Variants in ELAVL2 observed in about 807,000 individuals in gnomAD.
ELAVL2 encodes the protein ELAV-like protein 2.
Under a neutral mutation model 34.6 loss-of-function variants are expected in ELAVL2, and 4 were observed. The observed-to-expected ratio is 0.12, with a 90% CI of 0.06 to 0.26. ELAVL2 has a LOEUF of 0.26. ELAVL2 is among the 10% of genes least tolerant of loss of function. The pLI is 1.00. For synonymous variants in ELAVL2, 193 were observed against 154.8 expected, an observed-to-expected ratio of 1.25 and a Z score of -1.83; for missense variants, 432 against 442.8, an observed-to-expected ratio of 0.98 and a Z score of 0.22.
At chr9:23,762,528 A>G (rs562946522) in intron 1 of ELAVL2, among the ~76,000 whole-genome samples, 2 of 152,230 alleles carry the variant, frequency 1.3e-5, no homozygotes, top group Admixed American at 6.6e-5. Context: ...GTCTATTCAC[A>G]TATCCTTACT....
chr9:23,691,577 A>G lies in ELAVL2; in HGVS notation c.*980T>C, dbSNP rs1587111324. The G allele has an allele frequency of 1.3e-5, 2 of 152,274 alleles. No individual in the cohort carries two copies. The highest frequency in any genetic ancestry group is 2.9e-5 in the Non-Finnish European group (2 of 67,904). 9.4% of individuals were successfully genotyped at this position (152,274 alleles called of 1,614,324 possible). A position where few individuals can be genotyped will look rare whatever the true frequency, so the allele number is the denominator to read the frequency against. The stretch of plus-strand genomic sequence containing the variant: ...CCTGCTCTTATATATTCTTTTGTAA[A>G]TTTTTTTTATTTGTTTCAAAATCAC... On this transcript the variant is annotated 3_prime_UTR_variant, in exon 7 of 7. Coordinates refer to ENST00000397312, the MANE Select transcript of ELAVL2 (RefSeq NM_004432.5).
At chr9:23,740,779 A>T in intron 2 of ELAVL2, among the ~76,000 whole-genome samples, 1 of 152,230 alleles carries the variant, frequency 6.6e-6, no homozygotes, top group Non-Finnish European at 1.5e-5. Flanking sequence ...GATCCATTTA[A>T]AATGGGCCTT....
chr9:23,788,469 T>C (rs2059958602), intron 1 of ELAVL2, among the ~76,000 whole-genome samples: 1 of 152,196 alleles, frequency 6.6e-6, no homozygotes, highest in Admixed American at 6.5e-5. Flanking sequence ...TACCATGTTT[T>C]TTCCTACACA....
At chr9:23,794,514 T>C (rs966713388) in intron 1 of ELAVL2, among the ~76,000 whole-genome samples, 1 of 152,238 alleles carries the variant, frequency 6.6e-6, no homozygotes, top group Non-Finnish European at 1.5e-5. Flanking sequence ...TAATCCATAC[T>C]GGATAGACAG....
At chr9:23,814,369 C>T (rs1446347931) in intron 1 of ELAVL2, among the ~76,000 whole-genome samples, 2 of 152,064 alleles carry the variant, frequency 1.3e-5, no homozygotes, top group Admixed American at 1.3e-4. Context: ...ATTACCAGGA[C>T]CTGGAACTAA....
intron 1 of ELAVL2, among the ~76,000 whole-genome samples, chr9:23,786,812 G>GAC (rs2059750546): frequency 1.4e-5 from 2 of 142,854 alleles, no homozygotes; most frequent in Admixed American, 7.1e-5. Context: ...AAGAGAGAGA[G>GAC]AGAAAGGAAA....
In ELAVL2 at chr9:23,722,258, C is replaced by T. The variant is rs1322036576; in HGVS notation, c.333+8764G>A. ...TCTGTAACCTTTAAACTAGCATCTA[C>T]GACTTACATGAACCTACCAGAAAAA... On this transcript the variant is annotated intron_variant, in intron 3 of 6. Transcript: ENST00000397312. Among the ~76,000 whole-genome samples, 8 of 152,178 alleles carry T rather than the reference C, an allele frequency of 5.3e-5. No homozygotes were observed. In the South Asian group the frequency reaches 6.2e-4, roughly 12 times the overall value.
chr9:23,812,123 T>A (rs1448216988), intron 1 of ELAVL2, among the ~76,000 whole-genome samples: 1 of 151,342 alleles, frequency 6.6e-6, no homozygotes, highest in East Asian at 1.9e-4. Flanking sequence ...GAGTGTGTGA[T>A]TTTTTTTTAA....
At chr9:23,757,856 C>T (rs942138798) in intron 2 of ELAVL2, among the ~76,000 whole-genome samples, 2 of 152,074 alleles carry the variant, frequency 1.3e-5, no homozygotes, top group African/African-American at 4.8e-5. Flanking sequence ...AAAATAGTGA[C>T]ATTAATTTGC....
Position 23,692,273 on chromosome 9 carries a change from A to T in ELAVL2, c.*284T>A. On this transcript the variant is annotated 3_prime_UTR_variant, in exon 7 of 7. Transcript: ENST00000397312. Reference sequence around the variant, plus strand: ...GAAAAGAAATGTCTTCCCTTAGCTGAAACACTTTAAAAGGTCCACCTTCTT... The same window carrying T: ...GAAAAGAAATGTCTTCCCTTAGCTGTAACACTTTAAAAGGTCCACCTTCTT... The T allele has an allele frequency of 3.4e-6, 1 of 294,210 alleles. No homozygotes were observed. The highest frequency in any genetic ancestry group is 6.3e-6 in the Non-Finnish European group (1 of 157,978). 18.2% of individuals were successfully genotyped at this position (294,210 alleles called of 1,614,324 possible).
intron 1 of ELAVL2, among the ~76,000 whole-genome samples, chr9:23,809,233 C>T (rs2062652448): frequency 6.6e-6 from 1 of 152,112 alleles, no homozygotes; most frequent in South Asian, 2.1e-4. Context: ...ATCTGATGAC[C>T]TTATTTTCTC....
In ELAVL2 at chr9:23,783,865, A is replaced by G. The variant is rs545753521; in HGVS notation, c.-15-21616T>C. Among the ~76,000 whole-genome samples, 4 of 152,234 alleles carry G rather than the reference A, an allele frequency of 2.6e-5. No homozygotes were observed. The South Asian group carries it at 8.3e-4, about 32-fold the overall frequency. On this transcript the variant is annotated intron_variant, in intron 1 of 6. Transcript: ENST00000397312. ...CTCTCTGTTGTCATAGGTTCAAATA[A>G]AGGGCAAAGTACACATAGTTGCAAT...
Position 23,789,268 on chromosome 9 carries a change from G to A in ELAVL2, c.-15-27019C>T, listed in dbSNP as rs183110376. 3.3e-5 allele frequency among the ~76,000 whole-genome samples: 5 copies of A among 152,214 alleles called. No homozygotes were observed. The East Asian group carries it at 5.8e-4, about 18-fold the overall frequency. ...CTAGGCCAGTGCCCAGACACTAGAC[G>A]CAGCCACAAGAAATGCAAGTTTTCC... is the stretch of plus-strand genomic sequence containing the variant. On this transcript the variant is annotated intron_variant, in intron 1 of 6. Transcript: ENST00000397312.
chr9:23,776,739 C>CAAAAAA (rs34583759), intron 1 of ELAVL2, among the ~76,000 whole-genome samples: 1 of 77,706 alleles, frequency 1.3e-5, no homozygotes, highest in African/African-American at 4.4e-5. Flanking sequence ...AGTTTGCTAT[C>CAAAAAA]AAAAAAAAAA....
At chr9:23,770,227 G>A (rs759181503) in intron 1 of ELAVL2, among the ~76,000 whole-genome samples, 1 of 152,118 alleles carries the variant, frequency 6.6e-6, no homozygotes, top group Admixed American at 6.6e-5. Flanking sequence ...AATACATATA[G>A]AGAAGAATAA....
chr9:23,815,853 A>G (rs1282236132), intron 1 of ELAVL2, among the ~76,000 whole-genome samples: 1 of 152,148 alleles, frequency 6.6e-6, no homozygotes, highest in Admixed American at 6.5e-5. Context: ...GTGTGTGATT[A>G]TTTGTTTACA....
Position 23,762,237 on chromosome 9 carries a change from C to A in ELAVL2, c.-3G>T, listed in dbSNP as rs747885923. 6.2e-7 allele frequency: 1 copy of A among 1,613,206 alleles called. No homozygotes were observed. The highest frequency in any genetic ancestry group is 1.1e-5 in the South Asian group (1 of 91,020). ...CCATTAGACAGTTGTGTTTCCATGGCAGCAATTACCTGCTAAAAACAGAGA... is the reference window on the plus strand; with the variant it reads ...CCATTAGACAGTTGTGTTTCCATGGAAGCAATTACCTGCTAAAAACAGAGA... On this transcript the variant is annotated 5_prime_UTR_variant, in exon 2 of 7. Coordinates refer to ENST00000397312, the MANE Select transcript of ELAVL2 (RefSeq NM_004432.5).
chr9:23,775,112 A>G (rs1010922309), intron 1 of ELAVL2, among the ~76,000 whole-genome samples: 4 of 152,256 alleles, frequency 2.6e-5, no homozygotes, highest in Admixed American at 6.5e-5. Context: ...ACAGTAAAGA[A>G]GTTCAGATGA....
At chr9:23,731,161 T>C (rs1384200159) in intron 2 of ELAVL2, 36 bp from the exon 3 acceptor site, 1 of 1,574,366 alleles carries the variant, frequency 6.4e-7, no homozygotes, top group African/African-American at 1.4e-5. Context: ...CATATATTAG[T>C]TCTATACTGT....
Sources: allele counts gnomAD v4.1 joint callset (sites outside exome capture counted in the v4.1 genomes callset), GRCh38; gene constraint gnomAD v4.1.1; transcripts MANE v1.5; gene names NCBI Gene and HGNC (gene_info 2026-07-23, HGNC 2026-07-21).